Variants in CDH4 observed in about 807,000 individuals in gnomAD.
The protein encoded by CDH4 is cadherin-4.
Under a neutral mutation model 86.0 loss-of-function variants are expected in CDH4, and 33 were observed. The ratio of observed to expected loss-of-function variants is 0.38; its 90% CI spans 0.29 to 0.51. The LOEUF is 0.51. CDH4 is among the 20% of genes least tolerant of loss of function. The pLI is 0.86. For synonymous variants in CDH4, 555 were observed against 549.4 expected (o/e 1.01, Z -0.14); for missense variants, 1,114 against 1,307.4 (o/e 0.85, Z 2.28).
intron 4 of CDH4, among the ~76,000 whole-genome samples, chr20:61,835,965 G>A (rs574740184): frequency 1.3e-5 from 2 of 152,378 alleles, no homozygotes; most frequent in South Asian, 4.1e-4. Context: ...CCTGCCAGAA[G>A]GACCCTGACT....
chr20:61,710,943 G>C (rs1233763168), intron 2 of CDH4, among the ~76,000 whole-genome samples: 1 of 152,180 alleles, frequency 6.6e-6, no homozygotes, highest in Non-Finnish European at 1.5e-5. Flanking sequence ...TCAGTGGCCT[G>C]AACATCATAG....
chr20:61,715,330 A>C (rs550474845), intron 2 of CDH4, among the ~76,000 whole-genome samples: 13 of 152,184 alleles, frequency 8.5e-5, no homozygotes, highest in Non-Finnish European at 1.9e-4. Context: ...AGAGTTTGCA[A>C]ATATTTTCTC....
At chr20:61,847,693 A>G (rs1019213831) in intron 5 of CDH4, among the ~76,000 whole-genome samples, 1 of 152,200 alleles carries the variant, frequency 6.6e-6, no homozygotes, top group East Asian at 1.9e-4. Context: ...TACAGGAAGT[A>G]TAGCGCCGGC....
intron 3 of CDH4, among the ~76,000 whole-genome samples, chr20:61,758,813 G>T (rs72658788): frequency 6.6e-6 from 1 of 152,172 alleles, no homozygotes; most frequent in Non-Finnish European, 1.5e-5. Context: ...CTGAGAGGGC[G>T]CACAGGCGTG....
At chr20:61,514,972 G>A (rs1406587761) in intron 2 of CDH4, among the ~76,000 whole-genome samples, 1 of 152,182 alleles carries the variant, frequency 6.6e-6, no homozygotes, top group African/African-American at 2.4e-5. Flanking sequence ...CATTGGGGCG[G>A]GGGCGGGTGG....
intron 2 of CDH4, among the ~76,000 whole-genome samples, chr20:61,462,051 C>T (rs765985646): frequency 6.6e-6 from 1 of 152,190 alleles, no homozygotes; most frequent in Non-Finnish European, 1.5e-5. Context: ...GGCTTCTTGA[C>T]AAGAAAGTTG....
intron 2 of CDH4, among the ~76,000 whole-genome samples, chr20:61,376,537 C>T (rs6089649): frequency 0.18 from 26,823 of 151,982 alleles, 3,088 homozygotes; most frequent in East Asian, 0.41. Flanking sequence ...GAGGTGGAGG[C>T]GTGGGCTTGG....
rs1468336819 is a variant in CDH4, at chr20:61,501,356, G to A, written c.170-242207G>A. Among the ~76,000 whole-genome samples, 1 of 152,234 alleles carries A rather than the reference G, an allele frequency of 6.6e-6. No individual in the cohort carries two copies. On this transcript the variant is annotated intron_variant, in intron 2 of 15. Transcript: ENST00000614565. This position sits in a 1 kb window ranked among gnomAD's most constrained non-coding sequence, Gnocchi z 4.2. The stretch of plus-strand genomic sequence containing the variant: ...GGTTAGAGACGGGTGGAAAGAGAGA[G>A]CATTGGGGTGACTGAGACAAATGGA...
At chr20:61,812,446 G>T (rs1306185445) in intron 4 of CDH4, among the ~76,000 whole-genome samples, 1 of 152,154 alleles carries the variant, frequency 6.6e-6, no homozygotes, top group Non-Finnish European at 1.5e-5. Context: ...TGGAGAAGGG[G>T]TTCGCTGCCC....
chr20:61,347,116 A>T (rs934729166), intron 2 of CDH4, among the ~76,000 whole-genome samples: 9 of 152,150 alleles, frequency 5.9e-5, no homozygotes, highest in African/African-American at 2.2e-4. Context: ...CCCAGCAGGA[A>T]CCTACATTAC....
chr20:61,928,385 C>T lies in CDH4; in HGVS notation c.1967C>T (p.Ala656Val), dbSNP rs150782695. The change falls in exon 12 of 16, where the codon GCG becomes GTG. Residue 656 changes from alanine (A) to valine (V), a missense_variant. Physicochemically the swap from Ala to Val is moderately conservative, Grantham distance 64. Transcript: ENST00000614565. ...GTCTTCGAGCTGCCCTTTGTCCCGGCGGCCGTGCGGAAGAACTGGACCATC... is the reference window on the plus strand; with the variant it reads ...GTCTTCGAGCTGCCCTTTGTCCCGGTGGCCGTGCGGAAGAACTGGACCATC... ...PYVFELPFVP[A>V]AVRKNWTITR... 1.2e-5 allele frequency: 19 copies of T among 1,611,674 alleles called. No homozygotes were observed. Among genetic ancestry groups the T allele is most frequent in the Middle Eastern group, 1.6e-4 (1 of 6,082 alleles).
chr20:61,467,306 A>G (rs554362444), intron 2 of CDH4, among the ~76,000 whole-genome samples: 1 of 152,336 alleles, frequency 6.6e-6, no homozygotes, highest in East Asian at 1.9e-4. Flanking sequence ...CCACAATGAC[A>G]TTTGTTAATC....
intron 5 of CDH4, among the ~76,000 whole-genome samples, chr20:61,851,522 C>T (rs772818758): frequency 2.6e-5 from 4 of 152,174 alleles, no homozygotes; most frequent in African/African-American, 7.2e-5. Flanking sequence ...GCTTCTCTCA[C>T]GGCCACCCTG....
intron 2 of CDH4, among the ~76,000 whole-genome samples, chr20:61,575,507 G>A (rs1385741569): frequency 4.6e-5 from 7 of 152,288 alleles, no homozygotes; most frequent in Admixed American, 2.6e-4. Flanking sequence ...AAATCTCTTC[G>A]TGACAGTTAT....
At position 61,802,550 on chromosome 20, in the gene CDH4, GA is replaced by G. The variant is rs111232450; in HGVS notation, c.576+29378del. Among the ~76,000 whole-genome samples the G allele has an allele frequency of 3.6e-3, 543 of 149,726 alleles. 6 individuals are homozygous for G. The highest frequency in any genetic ancestry group is 0.012 in the African/African-American group (489 of 40,928). ...CGCTTTGAAGGAAAACTTACTTGGGGAAAAAAAAAACAACTGTCTCCGTTGG... is the reference window on the plus strand; with the variant it reads ...CGCTTTGAAGGAAAACTTACTTGGGGAAAAAAAAACAACTGTCTCCGTTGG... On this transcript the variant is annotated intron_variant, in intron 4 of 15. Transcript: ENST00000614565.
At chr20:61,755,427 C>T (rs1023530839) in intron 3 of CDH4, among the ~76,000 whole-genome samples, 5 of 143,702 alleles carry the variant, frequency 3.5e-5, no homozygotes, top group South Asian at 2.3e-4. Flanking sequence ...ACACAGTGCA[C>T]GTCACACACC....
intron 2 of CDH4, among the ~76,000 whole-genome samples, chr20:61,294,463 A>G (rs894799613): frequency 3.3e-5 from 5 of 152,160 alleles, no homozygotes; most frequent in Admixed American, 6.5e-5. Context: ...CAGCTCCCAG[A>G]GGAAACACAG....
At chr20:61,425,763 G>C (rs918341995) in intron 2 of CDH4, among the ~76,000 whole-genome samples, 3 of 142,958 alleles carry the variant, frequency 2.1e-5, no homozygotes. Flanking sequence ...GGACGTTCTC[G>C]AGGGCCCCGC....
At chr20:61,737,550 G>A (rs1319382832) in intron 2 of CDH4, among the ~76,000 whole-genome samples, 1 of 152,194 alleles carries the variant, frequency 6.6e-6, no homozygotes, top group Non-Finnish European at 1.5e-5. Flanking sequence ...CCTGGCCACT[G>A]ACCACCCTGG....
Sources: gnomAD v4.1 joint callset for allele counts (sites outside exome capture counted in the v4.1 genomes callset) on GRCh38, gnomAD v4.1.1 for gene constraint, Gnocchi (gnomAD v3.1) non-coding constraint, MANE v1.5 for transcripts, NCBI Gene and HGNC (gene_info 2026-07-23, HGNC 2026-07-21) for gene names.